DAP: variants seen among roughly 807,000 people sequenced by gnomAD.
DAP encodes the protein death associated protein, also known as death-associated protein 1.
Under a neutral mutation model 13.8 loss-of-function variants are expected in DAP, and 8 were observed. The ratio of observed to expected loss-of-function variants is 0.58; its 90% CI spans 0.34 to 1.05. The LOEUF is 1.05. DAP is among the 50% of genes least tolerant of loss of function. The pLI, the probability that DAP is intolerant of heterozygous loss-of-function variation, is 0.03. For synonymous variants in DAP, 47 were observed against 47.5 expected, an observed-to-expected ratio of 0.99 and a Z score of 0.04; for missense variants, 106 against 133.2, an observed-to-expected ratio of 0.80 and a Z score of 1.01.
chr5:10,752,172 A>G (rs1317709032), intron 1 of DAP, among the ~76,000 whole-genome samples: 11 of 152,244 alleles, frequency 7.2e-5, no homozygotes, highest in Non-Finnish European at 4.4e-5. Flanking sequence ...ATAAGCACAC[A>G]GTGTCAAGGC....
intron 2 of DAP, among the ~76,000 whole-genome samples, chr5:10,717,108 C>T (rs952111459): frequency 3.9e-5 from 6 of 152,136 alleles, no homozygotes; most frequent in African/African-American, 1.2e-4. Flanking sequence ...ATGTGGAGAA[C>T]CAAGGAACAT....
intron 2 of DAP, among the ~76,000 whole-genome samples, chr5:10,732,295 G>C (rs1478008646): frequency 6.6e-6 from 1 of 152,104 alleles, no homozygotes; most frequent in African/African-American, 2.4e-5. Context: ...TCTAATTCCA[G>C]AACTTTCATC....
chr5:10,702,630 A>G (rs535152840), intron 2 of DAP, among the ~76,000 whole-genome samples: 4 of 152,198 alleles, frequency 2.6e-5, no homozygotes, highest in Non-Finnish European at 4.4e-5. Flanking sequence ...AGCTTAAATG[A>G]TAAGCACAAT....
intron 2 of DAP, among the ~76,000 whole-genome samples, chr5:10,740,209 G>A (rs1285902735): frequency 1.3e-5 from 2 of 151,954 alleles, no homozygotes; most frequent in African/African-American, 4.8e-5. Flanking sequence ...AGAGAAAGGA[G>A]TCAGGTTCAA....
At chr5:10,712,264 T>A (rs1487987997) in intron 2 of DAP, among the ~76,000 whole-genome samples, 1 of 152,192 alleles carries the variant, frequency 6.6e-6, no homozygotes, top group Non-Finnish European at 1.5e-5. Flanking sequence ...TCCAGAACTG[T>A]GAGACAGCAA....
At chr5:10,735,066 CAAT>C (rs1393373572) in intron 2 of DAP, among the ~76,000 whole-genome samples, 1 of 152,130 alleles carries the variant, frequency 6.6e-6, no homozygotes, top group Non-Finnish European at 1.5e-5. Flanking sequence ...GTAATGAGTT[CAAT>C]TCTCTAGTAT....
chr5:10,691,317 G>C (rs975199370), intron 2 of DAP, among the ~76,000 whole-genome samples: 3 of 152,230 alleles, frequency 2.0e-5, no homozygotes, highest in Admixed American at 2.0e-4. Flanking sequence ...TGGCCCAAAG[G>C]CTTCAGAGCC....
intron 1 of DAP, among the ~76,000 whole-genome samples, chr5:10,759,366 C>T (rs942737402): frequency 6.6e-6 from 1 of 152,038 alleles, no homozygotes; most frequent in Non-Finnish European, 1.5e-5. Context: ...GAAATCAAGG[C>T]GCTCCTCCCC....
chr5:10,701,670 A>G (rs1055160842), intron 2 of DAP, among the ~76,000 whole-genome samples: 1 of 152,168 alleles, frequency 6.6e-6, no homozygotes, highest in African/African-American at 2.4e-5. Context: ...GTAGAGGGAG[A>G]ATGAACTTCA....
intron 1 of DAP, among the ~76,000 whole-genome samples, chr5:10,756,049 G>A (rs1047007126): frequency 2.0e-5 from 3 of 152,074 alleles, no homozygotes; most frequent in Non-Finnish European, 4.4e-5. Context: ...TCAGCACACT[G>A]AGGCGAGAAG....
chr5:10,719,717 ATAAG>A (rs1377855368), intron 2 of DAP, among the ~76,000 whole-genome samples: 2 of 152,194 alleles, frequency 1.3e-5, no homozygotes, highest in African/African-American at 2.4e-5. Flanking sequence ...TCCTGAAGGC[ATAAG>A]TAAGTTACAT....
intron 1 of DAP, among the ~76,000 whole-genome samples, chr5:10,751,181 A>T (rs542974524): frequency 2.8e-4 from 43 of 152,242 alleles, no homozygotes; most frequent in African/African-American, 9.9e-4. Flanking sequence ...CTCATGCTAA[A>T]GGTCTGAATT....
intron 2 of DAP, among the ~76,000 whole-genome samples, chr5:10,733,190 G>GTGTGTT (rs1488538097): frequency 1.6e-5 from 2 of 128,978 alleles, no homozygotes; most frequent in Admixed American, 1.6e-4. Flanking sequence ...GTGTGTGTGT[G>GTGTGTT]TGTGTGTGTG....
chr5:10,730,287 C>T (rs1739406626), intron 2 of DAP, among the ~76,000 whole-genome samples: 1 of 152,234 alleles, frequency 6.6e-6, no homozygotes, highest in African/African-American at 2.4e-5. Context: ...TGCCCACGTG[C>T]AGCGAGTGGA....
At chr5:10,684,763 T>C (rs1738114401) in intron 2 of DAP, among the ~76,000 whole-genome samples, 2 of 152,190 alleles carry the variant, frequency 1.3e-5, no homozygotes, top group African/African-American at 4.8e-5. Flanking sequence ...AGGACACAGT[T>C]TGAGGTAGTG....
At chr5:10,746,625 C>T (rs909840281) in intron 2 of DAP, among the ~76,000 whole-genome samples, 1 of 152,108 alleles carries the variant, frequency 6.6e-6, no homozygotes, top group Non-Finnish European at 1.5e-5. Flanking sequence ...ACACCGTGCC[C>T]GGACAATTCT....
At position 10,756,155 on chromosome 5, in the gene DAP, A is replaced by C. The variant is rs146180675; in HGVS notation, c.55+4859T>G. On this transcript the variant is annotated intron_variant, in intron 1 of 3. Coordinates refer to ENST00000230895, the MANE Select transcript of DAP (RefSeq NM_004394.3). ...ACCCTGTCTAGACAAGAACAACAAA[A>C]AAAGGCTAGGGAAGAGGTGAAATGC... Among the ~76,000 whole-genome samples the C allele has an allele frequency of 5.6e-4, 80 of 142,370 alleles. 15 individuals are homozygous for C. The East Asian group carries it at 0.014, about 25-fold the overall frequency. The allele number at this position is 142,370 out of a possible 152,430, so 93.4% of individuals were successfully genotyped here.
rs1329442088 is a variant in DAP at position 10,707,801 on chromosome 5, T to A, written c.153-24230A>T. Among the ~76,000 whole-genome samples, 1 of 152,210 alleles carries A rather than the reference T, an allele frequency of 6.6e-6. No homozygotes were observed. The highest frequency in any genetic ancestry group is 2.4e-5 in the African/African-American group (1 of 41,442). On this transcript the variant is annotated intron_variant, in intron 2 of 3. Coordinates refer to ENST00000230895, the MANE Select transcript of DAP (RefSeq NM_004394.3). The surrounding 1 kb of genome is among the most constrained non-coding windows in gnomAD (Gnocchi z 4.0). ...CAGGTGCTATGGTGCAAAGATGGTG[T>A]GATGGATGGGTGGCACTGGATGAGT...
intron 2 of DAP, among the ~76,000 whole-genome samples, chr5:10,726,847 C>A (rs1739299426): frequency 1.3e-5 from 2 of 152,170 alleles, no homozygotes; most frequent in South Asian, 4.1e-4. Flanking sequence ...CATCTTAGCA[C>A]TAGTTTGCTA....
Sources: allele counts gnomAD v4.1 joint callset (sites outside exome capture counted in the v4.1 genomes callset), GRCh38; gene constraint gnomAD v4.1.1; non-coding constraint Gnocchi (gnomAD v3.1); transcripts MANE v1.5; gene names NCBI Gene and HGNC (gene_info 2026-07-23, HGNC 2026-07-21).